The following GLRA3 variants were observed in gnomAD, a reference collection of about 807,000 sequenced individuals.
GLRA3 encodes glycine receptor subunit alpha-3.
Under a neutral mutation model 60.4 loss-of-function variants are expected in GLRA3, and 44 were observed. The observed-to-expected ratio is 0.73, with a 90% CI of 0.57 to 0.94. GLRA3 has a LOEUF of 0.94. Ranked by LOEUF, GLRA3 falls within the 40% of genes least tolerant of loss-of-function variation. The pLI is 0.00. For missense variants in GLRA3, 508 were observed against 564.6 expected (o/e 0.90, Z 1.02); for synonymous variants, 223 against 192.9 (o/e 1.16, Z -1.29).
Position 174,641,992 on chromosome 4 carries a change from A to C in GLRA3, c.*1794T>G, listed in dbSNP as rs1732635131. ...AAGCATATGTTTAATTTTCAGGTGC[A>C]CAGTCCTCAACGTGGGTACTTACAG... On this transcript the variant is annotated 3_prime_UTR_variant, in exon 10 of 10. Coordinates refer to ENST00000274093, the MANE Select transcript of GLRA3 (RefSeq NM_006529.4). The C allele has an allele frequency of 5.4e-6, 1 of 185,124 alleles. No homozygotes were observed. The highest frequency in any genetic ancestry group is 2.4e-5 in the African/African-American group (1 of 42,000). 11.5% of individuals were successfully genotyped at this position (185,124 alleles called of 1,614,324 possible). A position where few individuals can be genotyped will look rare whatever the true frequency, so the allele number is the denominator to read the frequency against.
chr4:174,782,777 C>T (rs1738940679), intron 2 of GLRA3, among the ~76,000 whole-genome samples: 1 of 151,956 alleles, frequency 6.6e-6, no homozygotes, highest in South Asian at 2.1e-4. Context: ...TGAAGGACCT[C>T]TTCAAGGAGA....
In GLRA3 at chr4:174,643,723, C is replaced by T. The variant is rs1732697319; in HGVS notation, c.*63G>A. 1 of 1,564,800 alleles carries T rather than the reference C, an allele frequency of 6.4e-7. No individual in the cohort carries two copies. Among genetic ancestry groups the T allele is most frequent in the Non-Finnish European group, 8.7e-7 (1 of 1,155,982 alleles). On this transcript the variant is annotated 3_prime_UTR_variant, in exon 10 of 10. Coordinates refer to ENST00000274093, the MANE Select transcript of GLRA3 (RefSeq NM_006529.4). ...TACCACACGCACACATATACACATA[C>T]ACACCTATGGCAGAGACACTTTCTT...
intron 5 of GLRA3, among the ~76,000 whole-genome samples, chr4:174,683,141 T>C (rs1734419633): frequency 6.6e-6 from 1 of 152,100 alleles, no homozygotes; most frequent in Non-Finnish European, 1.5e-5. Flanking sequence ...CACCAAATAA[T>C]ATGAGAAAAC....
chr4:174,665,472 A>T (rs1733632503), intron 7 of GLRA3, among the ~76,000 whole-genome samples: 1 of 152,122 alleles, frequency 6.6e-6, no homozygotes, highest in Non-Finnish European at 1.5e-5. Flanking sequence ...TCTGCTGGCT[A>T]GCACCACTTG....
intron 5 of GLRA3, among the ~76,000 whole-genome samples, chr4:174,708,319 T>G (rs555562429): frequency 6.6e-6 from 1 of 152,102 alleles, no homozygotes; most frequent in Admixed American, 6.5e-5. Flanking sequence ...TAAATGAATC[T>G]GAGAAATTAA....
At chr4:174,648,451 T>G (rs565525397) in intron 9 of GLRA3, among the ~76,000 whole-genome samples, 2 of 152,026 alleles carry the variant, frequency 1.3e-5, no homozygotes, top group East Asian at 3.9e-4. Flanking sequence ...ATGACAAGAG[T>G]GAAAACTCCA....
intron 1 of GLRA3, among the ~76,000 whole-genome samples, chr4:174,828,225 C>T (rs1173538036): frequency 6.6e-6 from 1 of 152,024 alleles, no homozygotes; most frequent in Non-Finnish European, 1.5e-5. Flanking sequence ...ATTACCTGAG[C>T]TAGGTCATTA....
chr4:174,764,234 A>C (rs1738050364), intron 3 of GLRA3, among the ~76,000 whole-genome samples: 1 of 152,062 alleles, frequency 6.6e-6, no homozygotes. Context: ...AAATTTTCCC[A>C]AGGATTAAAG....
At chr4:174,753,893 A>G (rs560440737) in intron 3 of GLRA3, among the ~76,000 whole-genome samples, 1 of 152,300 alleles carries the variant, frequency 6.6e-6, no homozygotes, top group South Asian at 2.1e-4. Flanking sequence ...AAACTCTACA[A>G]TGATATACAG....
In GLRA3 at chr4:174,681,626, G is replaced by C. The variant is rs192919586; in HGVS notation, c.712+1176C>G. 9.0e-4 allele frequency among the ~76,000 whole-genome samples: 137 copies of C among 152,226 alleles called. 1 individual carries two copies. Among genetic ancestry groups the C allele is most frequent in the Non-Finnish European group, 1.7e-3 (117 of 68,022 alleles). On this transcript the variant is annotated intron_variant, in intron 6 of 9. Coordinates refer to ENST00000274093, the MANE Select transcript of GLRA3 (RefSeq NM_006529.4). Reference sequence around the variant, plus strand: ...AGACAGGGAACAACTCTTCCCTAAAGCTTTGAGGGAAAGCACGGCCCTGCT... The same window carrying C: ...AGACAGGGAACAACTCTTCCCTAAACCTTTGAGGGAAAGCACGGCCCTGCT...
intron 5 of GLRA3, among the ~76,000 whole-genome samples, chr4:174,691,344 T>C (rs1734787829): frequency 1.3e-5 from 2 of 152,170 alleles, no homozygotes; most frequent in South Asian, 4.1e-4. Context: ...ACTTGTCTTC[T>C]TTTGAAAAGT....
intron 1 of GLRA3, among the ~76,000 whole-genome samples, chr4:174,826,907 T>C (rs1265765348): frequency 1.3e-5 from 2 of 151,328 alleles, no homozygotes; most frequent in Non-Finnish European, 3.0e-5. Context: ...AAATCCTCTT[T>C]TGGGGGTCAT....
At chr4:174,779,807 A>T (rs1738789457) in intron 2 of GLRA3, among the ~76,000 whole-genome samples, 2 of 151,510 alleles carry the variant, frequency 1.3e-5, no homozygotes, top group South Asian at 4.2e-4. Flanking sequence ...GAAATATGGG[A>T]CTATGTGAAA....
chr4:174,728,404 A>C (rs376247451), intron 4 of GLRA3, 71 bp downstream of exon 4: 8 of 882,594 alleles, frequency 9.1e-6, no homozygotes, highest in Middle Eastern at 2.8e-4. Flanking sequence ...AACTTTCACC[A>C]AACAAACCAA....
chr4:174,643,418 T>C lies in GLRA3; in HGVS notation c.*368A>G. On this transcript the variant is annotated 3_prime_UTR_variant, in exon 10 of 10. Transcript: ENST00000274093. Reference sequence around the variant, plus strand: ...TTACTGTGCAAAATTTGCTTTTGTATGATTTAATAGCATTGAATTACAAAT... The same window carrying C: ...TTACTGTGCAAAATTTGCTTTTGTACGATTTAATAGCATTGAATTACAAAT... 2 of 959,694 alleles carry C rather than the reference T, an allele frequency of 2.1e-6. No individual in the cohort carries two copies. Among genetic ancestry groups the C allele is most frequent in the Non-Finnish European group, 2.5e-6 (2 of 805,218 alleles). The allele number at this position is 959,694 out of a possible 1,614,324, so 59.4% of individuals were successfully genotyped here.
chr4:174,800,433 C>G (rs1739762239), intron 1 of GLRA3, among the ~76,000 whole-genome samples: 1 of 152,128 alleles, frequency 6.6e-6, no homozygotes, highest in African/African-American at 2.4e-5. Context: ...ATCAGACATT[C>G]TGTCTCCTTT....
In GLRA3 at chr4:174,640,715, A is replaced by G. The variant is rs1482352903; in HGVS notation, c.*3071T>C. On this transcript the variant is annotated 3_prime_UTR_variant, in exon 10 of 10. Transcript: ENST00000274093. ...TGGGTATTCATAAACTAATACATGA[A>G]TTCATGTCTTAGGGATATATAAATA... 1.3e-5 allele frequency: 2 copies of G among 152,088 alleles called. No individual in the cohort carries two copies. Among genetic ancestry groups the G allele is most frequent in the South Asian group, 2.1e-4 (1 of 4,828 alleles). 9.4% of individuals were successfully genotyped at this position (152,088 alleles called of 1,614,324 possible).
chr4:174,652,897 A>AT (rs762161250), intron 9 of GLRA3, among the ~76,000 whole-genome samples: 4 of 152,114 alleles, frequency 2.6e-5, no homozygotes, highest in Non-Finnish European at 5.9e-5. Context: ...GAAGGCATGA[A>AT]TATTGCTATT....
At chr4:174,686,678 A>T (rs1225941918) in intron 5 of GLRA3, among the ~76,000 whole-genome samples, 1 of 152,206 alleles carries the variant, frequency 6.6e-6, no homozygotes, top group Non-Finnish European at 1.5e-5. Flanking sequence ...TGTGATATCT[A>T]CCTAGGCCTC....
Sources: gnomAD v4.1 joint callset for allele counts (sites outside exome capture counted in the v4.1 genomes callset) on GRCh38, gnomAD v4.1.1 for gene constraint, MANE v1.5 for transcripts, NCBI Gene and HGNC (gene_info 2026-07-23, HGNC 2026-07-21) for gene names.